STS: variants seen among roughly 807,000 people sequenced by gnomAD.
STS encodes steroid sulfatase, also known as steryl-sulfatase.
In STS, 7 loss-of-function variants were observed where a neutral mutation model predicts 26.8. The observed-to-expected ratio is 0.26, with a 90% CI of 0.15 to 0.49. STS has a LOEUF of 0.49. STS is among the 20% of genes least tolerant of loss of function. The pLI is 0.98. For missense variants in STS, 434 were observed against 465.6 expected (o/e 0.93, Z 0.63); for synonymous variants, 199 against 189.4 (o/e 1.05, Z -0.42).
chrX:7,256,205 C>A (rs1923400946), intron 3 of STS, among the ~76,000 whole-genome samples: 1 of 111,938 alleles, frequency 8.9e-6, no homozygotes. Flanking sequence ...TGGGGTATAA[C>A]TTGGTATGGT....
chrX:7,209,543 G>A (rs1920979933), intron 2 of STS, among the ~76,000 whole-genome samples: 1 of 49,502 alleles, frequency 2.0e-5, no homozygotes, highest in Admixed American at 3.3e-4. Flanking sequence ...ATTTAAAAAT[G>A]AATTCGAATA....
In STS at chrX:7,240,531, GTGTATA is replaced by G. The variant is rs1357852105; in HGVS notation, c.-4-12663_-4-12658del. 4.6e-3 allele frequency among the ~76,000 whole-genome samples: 265 copies of G among 57,647 alleles called. 1 individual carries two copies. The highest frequency in any genetic ancestry group is 0.041 in the South Asian group (29 of 710). 50.1% of individuals were successfully genotyped at this position (57,647 alleles called of 115,157 possible). On this transcript the variant is annotated intron_variant, in intron 2 of 10. Transcript: ENST00000674429. ...TGTGTGTGTGTGTGTGTGTGTGTGTGTGTATATATATATATATATATAAAATGGATC... is the reference window on the plus strand; with the variant it reads ...TGTGTGTGTGTGTGTGTGTGTGTGTGTATATATATATATATAAAATGGATC...
intron 7 of STS, among the ~76,000 whole-genome samples, chrX:7,296,478 C>G (rs1925668283): frequency 8.9e-6 from 1 of 112,138 alleles, no homozygotes; most frequent in African/African-American, 3.2e-5. Flanking sequence ...GGAAACCACT[C>G]TATTGTGATG....
intron 1 of STS, among the ~76,000 whole-genome samples, chrX:7,189,731 T>C (rs1219913400): frequency 1.8e-5 from 2 of 111,852 alleles, no homozygotes; most frequent in East Asian, 5.6e-4. Context: ...GCCTTCTTGA[T>C]CCTTAGAGCT....
intron 8 of STS, among the ~76,000 whole-genome samples, chrX:7,308,818 A>C (rs1041613946): frequency 1.8e-5 from 2 of 111,705 alleles, no homozygotes; most frequent in Admixed American, 1.9e-4. Context: ...CCTTCTAGTT[A>C]TGGGAAGTAG....
chrX:7,240,921 TC>T (rs1485822003), intron 2 of STS, among the ~76,000 whole-genome samples: 1 of 110,838 alleles, frequency 9.0e-6, no homozygotes, highest in Non-Finnish European at 1.9e-5. Flanking sequence ...ATGCCTGTCA[TC>T]CCTAGTGTCC....
rs531733980 is a variant in STS at position 7,327,094 on chromosome X, T to C, written c.1241+1596T>C. 8.9e-5 allele frequency among the ~76,000 whole-genome samples: 10 copies of C among 112,170 alleles called. No individual in the cohort carries two copies. The South Asian group carries it at 3.7e-3, about 42-fold the overall frequency. ...ATTAGTAATAAAAAATGAAATTTTT[T>C]AAGGCACCAAAGTACTCCAAGCTCA... On this transcript the variant is annotated intron_variant, in intron 9 of 10. Coordinates refer to ENST00000674429, the MANE Select transcript of STS (RefSeq NM_001320752.2).
chrX:7,176,143 T>G (rs895170556), intron 1 of STS, among the ~76,000 whole-genome samples: 2 of 111,606 alleles, frequency 1.8e-5, no homozygotes, highest in African/African-American at 6.5e-5. Flanking sequence ...TGGAACAGTT[T>G]CCATTGTTTT....
chrX:7,273,547 C>T (rs760310535), intron 6 of STS, among the ~76,000 whole-genome samples: 2 of 112,066 alleles, frequency 1.8e-5, no homozygotes, highest in Admixed American at 9.4e-5. Context: ...AAAGAAGGAA[C>T]GCTGCTCAGA....
chrX:7,194,561 A>G lies in STS; in HGVS notation c.-5+3553A>G, dbSNP rs775164776. 1.7e-4 allele frequency among the ~76,000 whole-genome samples: 19 copies of G among 111,353 alleles called. No homozygotes were observed. In the Middle Eastern group the frequency reaches 0.018, roughly 108 times the overall value. On this transcript the variant is annotated intron_variant, in intron 2 of 10. Transcript: ENST00000674429. ...TTTACAAAGGTGGTTTTGGTCCCCG[A>G]ACAAGGAGGGGTAGTTTTGGGAAGG...
chrX:7,215,974 CA>C (rs1159251736), intron 2 of STS, among the ~76,000 whole-genome samples: 1 of 111,949 alleles, frequency 8.9e-6, no homozygotes, highest in Non-Finnish European at 1.9e-5. Flanking sequence ...TTGGCACCCC[CA>C]GGGAAATGAC....
chrX:7,345,582 C>G (rs1425503387), intron 10 of STS, among the ~76,000 whole-genome samples: 1 of 111,206 alleles, frequency 9.0e-6, no homozygotes, highest in Admixed American at 9.6e-5. Flanking sequence ...TTGTTTAATC[C>G]TAAACGAGTC....
intron 6 of STS, among the ~76,000 whole-genome samples, chrX:7,275,208 T>G (rs1924470195): frequency 9.0e-6 from 1 of 111,393 alleles, no homozygotes; most frequent in Non-Finnish European, 1.9e-5. Context: ...ACAGGAGGAA[T>G]AGTTTGGGGA....
chrX:7,324,778 T>C (rs1242169624), intron 8 of STS, among the ~76,000 whole-genome samples: 3 of 111,890 alleles, frequency 2.7e-5, no homozygotes, highest in Non-Finnish European at 5.6e-5. Flanking sequence ...GTGTCTATTC[T>C]GTTAGTCGAG....
chrX:7,205,583 T>C (rs766173914), intron 2 of STS, among the ~76,000 whole-genome samples: 1 of 47,238 alleles, frequency 2.1e-5, no homozygotes, highest in Non-Finnish European at 3.9e-5. Context: ...ATTATTTGGT[T>C]TTCTTTTTCT....
chrX:7,223,886 T>C (rs1921686106), intron 2 of STS, among the ~76,000 whole-genome samples: 1 of 111,446 alleles, frequency 9.0e-6, no homozygotes, highest in Non-Finnish European at 1.9e-5. Context: ...ATAGACTACA[T>C]AGACATTCAT....
intron 2 of STS, among the ~76,000 whole-genome samples, chrX:7,218,056 A>T (rs773679609): frequency 1.1e-4 from 12 of 111,137 alleles, no homozygotes; most frequent in Non-Finnish European, 1.9e-4. Context: ...TTTGTGTCTT[A>T]TTCCTCTCTG....
intron 10 of STS, among the ~76,000 whole-genome samples, chrX:7,339,229 C>T (rs376044712): frequency 1.8e-5 from 2 of 111,720 alleles, no homozygotes; most frequent in East Asian, 5.7e-4. Context: ...GATGCCCTTC[C>T]TCATCTAATC....
At chrX:7,200,658 C>T (rs1366806895) in intron 2 of STS, among the ~76,000 whole-genome samples, 2 of 111,480 alleles carry the variant, frequency 1.8e-5, no homozygotes, top group African/African-American at 6.5e-5. Flanking sequence ...ATGGATGCCC[C>T]AGTGCCACAG....
Sources: gnomAD v4.1 joint callset for allele counts (sites outside exome capture counted in the v4.1 genomes callset) on GRCh38, gnomAD v4.1.1 for gene constraint, MANE v1.5 for transcripts, NCBI Gene and HGNC (gene_info 2026-07-23, HGNC 2026-07-21) for gene names.